LRFN5: variants seen among roughly 807,000 people sequenced by gnomAD.
LRFN5 encodes leucine rich repeat and fibronectin type III domain containing 5, also known as leucine-rich repeat and fibronectin type-III domain-containing protein 5.
In LRFN5, 24 loss-of-function variants were observed where a neutral mutation model predicts 45.6. That is an observed-to-expected ratio of 0.53 (90% CI 0.38 to 0.74). LRFN5 has a LOEUF of 0.74. Ranked by LOEUF, LRFN5 falls within the 30% of genes least tolerant of loss-of-function variation. The probability of loss-of-function intolerance (pLI) is 0.00; values close to 1 mark genes in which losing one functional copy is unlikely to be tolerated. For synonymous variants in LRFN5, 340 were observed against 313.8 expected (o/e 1.08, Z -0.88); for missense variants, 776 against 861.5 (o/e 0.90, Z 1.24).
rs1302307952 is a variant in LRFN5, at chr14:41,637,937, T to C, written c.-197+29375T>C. On this transcript the variant is annotated intron_variant, in intron 1 of 5. Coordinates refer to ENST00000298119, the MANE Select transcript of LRFN5 (RefSeq NM_152447.5). ...ATAGCTTTCTGGGTTTTGCTTCAAA[T>C]TGTACTTTCTGTTTAGTCCCTTGGA... 7.2e-5 allele frequency among the ~76,000 whole-genome samples: 11 copies of C among 152,256 alleles called. 1 individual carries two copies. In the East Asian group the frequency reaches 2.1e-3, roughly 29 times the overall value.
chr14:41,898,805 A>T (rs1325153028), intron 4 of LRFN5, 112 bp from the exon 5 acceptor site: 2 of 990,366 alleles, frequency 2.0e-6, no homozygotes, highest in Non-Finnish European at 3.0e-6. Context: ...CTTTAGATAA[A>T]TCTTTGTTAA....
intron 1 of LRFN5, among the ~76,000 whole-genome samples, chr14:41,736,708 G>T (rs562755444): frequency 2.0e-5 from 3 of 152,242 alleles, no homozygotes; most frequent in African/African-American, 4.8e-5. Flanking sequence ...TGCCATCAGA[G>T]AATACTATAA....
chr14:41,833,563 G>T (rs1888556828), intron 2 of LRFN5, among the ~76,000 whole-genome samples: 1 of 152,146 alleles, frequency 6.6e-6, no homozygotes. Flanking sequence ...GCTGAGCAGA[G>T]TTTCCTTCGT....
chr14:41,648,202 C>G (rs950313318), intron 1 of LRFN5, among the ~76,000 whole-genome samples: 13 of 151,866 alleles, frequency 8.6e-5, no homozygotes, highest in Admixed American at 6.6e-4. Context: ...TCAGAAGGCT[C>G]TAGTATGGAA....
chr14:41,770,826 C>T (rs577669898), intron 2 of LRFN5, among the ~76,000 whole-genome samples: 4 of 152,246 alleles, frequency 2.6e-5, no homozygotes, highest in African/African-American at 9.6e-5. Context: ...TAGACAGTGT[C>T]CTGGTGGAGA....
chr14:41,713,310 A>T (rs1883358645), intron 1 of LRFN5, among the ~76,000 whole-genome samples: 1 of 152,106 alleles, frequency 6.6e-6, no homozygotes, highest in African/African-American at 2.4e-5. Flanking sequence ...CAACATATTA[A>T]CAATAAATAG....
intron 1 of LRFN5, among the ~76,000 whole-genome samples, chr14:41,651,924 A>T (rs1469606179): frequency 6.6e-6 from 1 of 152,084 alleles, no homozygotes; most frequent in East Asian, 1.9e-4. Context: ...CCTTTGTCTT[A>T]ATATGTCTGT....
chr14:41,689,528 A>G (rs1882271377), intron 1 of LRFN5, among the ~76,000 whole-genome samples: 2 of 152,222 alleles, frequency 1.3e-5, no homozygotes, highest in African/African-American at 2.4e-5. Flanking sequence ...AAAGACAAAA[A>G]TTATTAAAAT....
intron 2 of LRFN5, among the ~76,000 whole-genome samples, chr14:41,812,846 G>A (rs1384135740): frequency 6.6e-6 from 1 of 152,090 alleles, no homozygotes; most frequent in Non-Finnish European, 1.5e-5. Context: ...GGCAGTGTAA[G>A]TAATGATGGA....
intron 2 of LRFN5, among the ~76,000 whole-genome samples, chr14:41,853,141 T>A (rs1889330403): frequency 6.6e-6 from 1 of 152,022 alleles, no homozygotes; most frequent in Admixed American, 6.6e-5. Context: ...AATTTAAGAA[T>A]GAAGATGGAT....
intron 2 of LRFN5, among the ~76,000 whole-genome samples, chr14:41,812,738 A>G (rs1024969222): frequency 1.3e-5 from 2 of 152,108 alleles, no homozygotes; most frequent in Non-Finnish European, 2.9e-5. Flanking sequence ...AAAATTGATG[A>G]TGAAAAATAA....
At chr14:41,818,163 C>A (rs1887985360) in intron 2 of LRFN5, among the ~76,000 whole-genome samples, 1 of 151,978 alleles carries the variant, frequency 6.6e-6, no homozygotes, top group Non-Finnish European at 1.5e-5. Flanking sequence ...TGGGTCTTAG[C>A]CTTTTCCTTT....
intron 1 of LRFN5, among the ~76,000 whole-genome samples, chr14:41,719,417 T>C (rs1883621486): frequency 7.0e-6 from 1 of 142,062 alleles, no homozygotes; most frequent in African/African-American, 3.1e-5. Context: ...TGTGGTATTT[T>C]AATATATGTT....
chr14:41,843,461 A>G (rs556358693), intron 2 of LRFN5, among the ~76,000 whole-genome samples: 1 of 152,290 alleles, frequency 6.6e-6, no homozygotes, highest in African/African-American at 2.4e-5. Flanking sequence ...TTTAATGGTT[A>G]CTGACTTTTT....
At chr14:41,890,581 C>A (rs935738496) in intron 3 of LRFN5, among the ~76,000 whole-genome samples, 1 of 151,854 alleles carries the variant, frequency 6.6e-6, no homozygotes, top group African/African-American at 2.4e-5. Flanking sequence ...GTGGCGGGCG[C>A]CTGTAGTCCC....
At chr14:41,798,404 A>T (rs1476823230) in intron 2 of LRFN5, among the ~76,000 whole-genome samples, 1 of 151,902 alleles carries the variant, frequency 6.6e-6, no homozygotes, top group Non-Finnish European at 1.5e-5. Context: ...TTAAGAACTT[A>T]TGTTTGACTT....
At chr14:41,703,660 A>G (rs1282624525) in intron 1 of LRFN5, among the ~76,000 whole-genome samples, 3 of 152,092 alleles carry the variant, frequency 2.0e-5, no homozygotes, top group Non-Finnish European at 1.5e-5. Context: ...TTTATAAATA[A>G]TTGCCTACAA....
At position 41,887,859 on chromosome 14, in the gene LRFN5, G is replaced by A. The variant is rs1426081042; in HGVS notation, c.1234G>A (p.Gly412Ser). The A allele has an allele frequency of 1.2e-6, 2 of 1,613,910 alleles. No homozygotes were observed. The highest frequency in any genetic ancestry group is 1.1e-5 in the South Asian group (1 of 91,084). ...AGGTTCTAATACAAGCAGTAGTAAT[G>A]GTGATACTAAATTGAGTCAAGATAA... Reference protein sequence around the residue: ...KSGSNTSSSNGDTKLSQDKIV... With the variant: ...KSGSNTSSSNSDTKLSQDKIV... Residue 412 changes from glycine to serine, a missense_variant, in exon 3 of 6, where the codon GGT (glycine) becomes AGT (serine). Coordinates refer to ENST00000298119, the MANE Select transcript of LRFN5 (RefSeq NM_152447.5). This position sits in a 1 kb window ranked among gnomAD's most constrained non-coding sequence, Gnocchi z 4.8.
intron 1 of LRFN5, among the ~76,000 whole-genome samples, chr14:41,662,530 G>A (rs1880702879): frequency 6.6e-6 from 1 of 152,012 alleles, no homozygotes; most frequent in African/African-American, 2.4e-5. Flanking sequence ...TAAAACAAGT[G>A]CAAACAAGAT....
Sources: gnomAD v4.1 joint callset for allele counts (sites outside exome capture counted in the v4.1 genomes callset) on GRCh38, gnomAD v4.1.1 for gene constraint, Gnocchi (gnomAD v3.1) non-coding constraint, MANE v1.5 for transcripts, NCBI Gene and HGNC (gene_info 2026-07-23, HGNC 2026-07-21) for gene names.